ZNF407: variants seen among roughly 807,000 people sequenced by gnomAD.
The protein encoded by ZNF407 is zinc finger protein 407.
ZNF407 carries 17 observed loss-of-function variants against 131.2 expected under a neutral mutation model. The observed-to-expected ratio is 0.13, with a 90% CI of 0.09 to 0.19. The LOEUF (loss-of-function observed/expected upper bound fraction) is 0.19. Among genes scored for constraint, ZNF407 ranks in the 10% least tolerant of loss-of-function variants. ZNF407 has a pLI of 1.00. For missense variants in ZNF407, 2,681 were observed against 2,830.6 expected (o/e 0.95, Z 1.20); for synonymous variants, 1,156 against 1,062.0 (o/e 1.09, Z -1.72).
At chr18:75,005,939 T>G (rs1340879724) in intron 8 of ZNF407, among the ~76,000 whole-genome samples, 1 of 152,092 alleles carries the variant, frequency 6.6e-6, no homozygotes. Flanking sequence ...CTATGGGAGT[T>G]TTGATTCTTC....
At chr18:74,604,648 T>C (rs554459890) in intron 1 of ZNF407, among the ~76,000 whole-genome samples, 1 of 152,346 alleles carries the variant, frequency 6.6e-6, no homozygotes, top group South Asian at 2.1e-4. Context: ...GAACATTCCA[T>C]AGGCTTAGCT....
intron 3 of ZNF407, among the ~76,000 whole-genome samples, chr18:74,649,805 A>G (rs1985143490): frequency 6.6e-6 from 1 of 152,254 alleles, no homozygotes. Context: ...CTTTTTAACA[A>G]GGGAAATAAT....
intron 5 of ZNF407, 31 bp downstream of exon 5, chr18:74,877,394 G>T (rs752683777): frequency 1.2e-6 from 2 of 1,605,920 alleles, no homozygotes; most frequent in East Asian, 2.2e-5. Context: ...ATCCCAGGAG[G>T]CTGGGCAGAG....
At chr18:75,009,044 T>C (rs1472592277) in intron 8 of ZNF407, among the ~76,000 whole-genome samples, 1 of 152,196 alleles carries the variant, frequency 6.6e-6, no homozygotes, top group Non-Finnish European at 1.5e-5. Context: ...CTATTCTGTT[T>C]TAATATTGAG....
At chr18:74,885,561 A>T (rs1286975097) in intron 6 of ZNF407, among the ~76,000 whole-genome samples, 3 of 152,216 alleles carry the variant, frequency 2.0e-5, no homozygotes, top group Admixed American at 1.3e-4. Context: ...GACTTACACT[A>T]CTTGATGTCA....
At chr18:74,670,342 G>A (rs892698613) in intron 3 of ZNF407, among the ~76,000 whole-genome samples, 1 of 152,182 alleles carries the variant, frequency 6.6e-6, no homozygotes, top group Non-Finnish European at 1.5e-5. Context: ...ATGATTTAAT[G>A]TAGCATATAA....
intron 3 of ZNF407, among the ~76,000 whole-genome samples, chr18:74,698,662 C>A (rs7244294): frequency 0.085 from 12,894 of 152,180 alleles, 739 homozygotes; most frequent in African/African-American, 0.16. Flanking sequence ...CAAAAAGGCT[C>A]ATTGGGCCTT....
intron 4 of ZNF407, among the ~76,000 whole-genome samples, chr18:74,817,729 AATTG>A (rs1298621595): frequency 6.6e-6 from 1 of 152,194 alleles, no homozygotes; most frequent in East Asian, 1.9e-4. Flanking sequence ...GGGCGTGTAT[AATTG>A]ATCTTAACCA....
rs756376799 is a variant in ZNF407 at position 74,634,457 on chromosome 18, C to T, written c.3438C>T (p.Asp1146=). 10 of 1,613,712 alleles carry T rather than the reference C, an allele frequency of 6.2e-6. No individual in the cohort carries two copies. The Admixed American group carries it at 1.7e-4, about 27-fold the overall frequency. The part of the protein sequence containing the change: ...LDMSKVLCAA[D]SVEVETEEES... ...TGTCTAAAGTGCTCTGCGCTGCTGACTCTGTAGAAGTTGAGACTGAAGAAG... is the reference window on the plus strand; with the variant it reads ...TGTCTAAAGTGCTCTGCGCTGCTGATTCTGTAGAAGTTGAGACTGAAGAAG... Residue 1146 remains aspartate (D), a synonymous_variant, in exon 2 of 9, where the codon GAC becomes GAT. Coordinates refer to ENST00000299687, the MANE Select transcript of ZNF407 (RefSeq NM_017757.3).
intron 3 of ZNF407, among the ~76,000 whole-genome samples, chr18:74,650,767 G>A (rs991401122): frequency 6.6e-6 from 1 of 152,130 alleles, no homozygotes; most frequent in African/African-American, 2.4e-5. Flanking sequence ...ATCTTAAGGT[G>A]TAGAAAAAAA....
chr18:74,916,649 T>C (rs867371295), intron 7 of ZNF407, among the ~76,000 whole-genome samples: 6,096 of 117,062 alleles, frequency 0.052, 390 homozygotes, highest in East Asian at 0.083. Flanking sequence ...TGTGTGTGTG[T>C]GTGCATGTGT....
intron 4 of ZNF407, among the ~76,000 whole-genome samples, chr18:74,843,714 G>A (rs2145134843): frequency 6.6e-6 from 1 of 151,974 alleles, no homozygotes; most frequent in African/African-American, 2.4e-5. Context: ...CTGCTATCTT[G>A]GTTTATGCTA....
At chr18:75,052,322 G>T (rs535978683) in intron 8 of ZNF407, among the ~76,000 whole-genome samples, 1 of 152,092 alleles carries the variant, frequency 6.6e-6, no homozygotes, top group Non-Finnish European at 1.5e-5. Flanking sequence ...GGAGTCGCGC[G>T]CTTATGCTAG....
intron 8 of ZNF407, among the ~76,000 whole-genome samples, chr18:75,003,009 C>T (rs2122163728): frequency 6.6e-6 from 1 of 152,304 alleles, no homozygotes; most frequent in South Asian, 2.1e-4. Flanking sequence ...TATCACACTT[C>T]ATGCTTGGTT....
chr18:74,940,547 G>A (rs1199473666), intron 8 of ZNF407, among the ~76,000 whole-genome samples: 1 of 152,182 alleles, frequency 6.6e-6, no homozygotes, highest in Non-Finnish European at 1.5e-5. Flanking sequence ...AAGGTATGTT[G>A]AGGATTTTGA....
At chr18:74,916,382 A>G (rs1257249630) in intron 7 of ZNF407, among the ~76,000 whole-genome samples, 1 of 81,708 alleles carries the variant, frequency 1.2e-5, no homozygotes, top group Non-Finnish European at 2.2e-5. Context: ...TGGTATGGTG[A>G]GGTTGTGTGC....
chr18:74,915,498 T>TG (rs1971741144), intron 7 of ZNF407, among the ~76,000 whole-genome samples: 1 of 30,904 alleles, frequency 3.2e-5, no homozygotes, highest in African/African-American at 1.2e-4. Context: ...GTGTGTGTGT[T>TG]CATGCATGTG....
chr18:74,951,834 T>G (rs1972217777), intron 8 of ZNF407, among the ~76,000 whole-genome samples: 1 of 152,074 alleles, frequency 6.6e-6, no homozygotes, highest in Non-Finnish European at 1.5e-5. Flanking sequence ...TTTGGAATAT[T>G]TAACAGATAC....
At position 74,634,263 on chromosome 18, in the gene ZNF407, A is replaced by C. The variant is rs747085165; in HGVS notation, c.3244A>C (p.Asn1082His). The C allele has an allele frequency of 8.1e-6, 13 of 1,613,932 alleles. No homozygotes were observed. The East Asian group carries it at 2.4e-4, about 30-fold the overall frequency. Residue 1082 changes from asparagine to histidine, a missense_variant, in exon 2 of 9, where the codon AAT becomes CAT. Asn to His is a moderately conservative substitution (Grantham distance 68, BLOSUM62 1). Coordinates refer to ENST00000299687, the MANE Select transcript of ZNF407 (RefSeq NM_017757.3). The part of the protein sequence containing the change: ...MKRQSYLNSA[N>H]VEAGSADMSK... ...AAGGCAGTCTTATCTCAACTCTGCT[A>C]ATGTAGAAGCTGGTTCTGCAGACAT... is the stretch of plus-strand genomic sequence containing the variant.
Sources: gnomAD v4.1 joint callset for allele counts (sites outside exome capture counted in the v4.1 genomes callset) on GRCh38, gnomAD v4.1.1 for gene constraint, MANE v1.5 for transcripts, NCBI Gene and HGNC (gene_info 2026-07-23, HGNC 2026-07-21) for gene names.